DEFB135: variants seen among roughly 807,000 people sequenced by gnomAD.
DEFB135 encodes the protein defensin beta 135, also known as beta-defensin 135.
DEFB135 carries 14 observed loss-of-function variants against 8.9 expected under a neutral mutation model. The observed-to-expected ratio is 1.58, with a 90% confidence interval of 1.04 to 2.47. DEFB135 has a LOEUF of 2.47. Ranked by LOEUF, DEFB135 falls within the 30% of genes most tolerant of loss-of-function variation. The probability of loss-of-function intolerance (pLI) is 0.00; values close to 1 mark genes in which losing one functional copy is unlikely to be tolerated. For synonymous variants in DEFB135, 51 were observed against 34.5 expected, an observed-to-expected ratio of 1.48 and a Z score of -1.67; for missense variants, 135 against 94.2, an observed-to-expected ratio of 1.43 and a Z score of -1.79.
chr8:11,984,580 C>A lies in DEFB135; in HGVS notation c.224C>A (p.Thr75Asn), dbSNP rs1471137374. The A allele has an allele frequency of 6.7e-7, 1 of 1,499,386 alleles. No homozygotes were observed. The highest frequency in any genetic ancestry group is 1.9e-5 in the Admixed American group (1 of 52,652). 92.9% of individuals were successfully genotyped at this position (1,499,386 alleles called of 1,614,324 possible). Residue 75 changes from threonine (T) to asparagine (N), a missense_variant, in exon 2 of 2, where the codon ACT (threonine) becomes AAT (asparagine). Coordinates refer to ENST00000382208, the MANE Select transcript of DEFB135 (RefSeq NM_001033017.3). Reference protein sequence around the residue: ...CVNPKYLPILTGK With the variant: ...CVNPKYLPILNGK ...AACCCAAAATATTTACCTATACTGA[C>A]TGGGAAATAGTTGTGAGTACCTGAA...
In DEFB135 at chr8:11,982,375, G is replaced by A. The variant is rs1250345778; in HGVS notation, c.55G>A (p.Val19Ile). 1.2e-6 allele frequency: 2 copies of A among 1,614,072 alleles called. No individual in the cohort carries two copies. Among genetic ancestry groups the A allele is most frequent in the Non-Finnish European group, 1.7e-6 (2 of 1,180,018 alleles). Reference protein sequence around the residue: ...ALVVLNLLFYVPPGRSGPNVY... With the variant: ...ALVVLNLLFYIPPGRSGPNVY... ...CGTGGTCCTTAACTTACTCTTCTAT[G>A]TTCCACCAGGTAAAATGGAGTCCCC... The change falls in exon 1 of 2, where the codon GTT becomes ATT. Residue 19 changes from valine to isoleucine, a missense_variant. Transcript: ENST00000382208.
intron 1 of DEFB135, among the ~76,000 whole-genome samples, chr8:11,983,421 C>G (rs1045769986): frequency 1.3e-5 from 2 of 151,982 alleles, no homozygotes; most frequent in African/African-American, 4.8e-5. Context: ...ATAAATAAAA[C>G]GAAGACAGAT....
chr8:11,983,074 C>G (rs1046921095), intron 1 of DEFB135, among the ~76,000 whole-genome samples: 1 of 152,160 alleles, frequency 6.6e-6, no homozygotes, highest in Non-Finnish European at 1.5e-5. Context: ...GCGTATCACT[C>G]AAGGACCAAG....
chr8:11,982,860 C>A (rs539011388), intron 1 of DEFB135, among the ~76,000 whole-genome samples: 1 of 152,256 alleles, frequency 6.6e-6, no homozygotes, highest in South Asian at 2.1e-4. Flanking sequence ...ATGTATTACA[C>A]TAACTTATAG....
intron 1 of DEFB135, among the ~76,000 whole-genome samples, chr8:11,983,283 G>A (rs1007755686): frequency 3.3e-4 from 50 of 152,106 alleles, no homozygotes; most frequent in African/African-American, 1.1e-3. Context: ...CCAGCTACTC[G>A]GGAAGCTGAG....
chr8:11,984,427 G>T lies in DEFB135; in HGVS notation c.71G>T (p.Ser24Ile), dbSNP rs898436075. 8 of 1,545,712 alleles carry T rather than the reference G, an allele frequency of 5.2e-6. No homozygotes were observed. The highest frequency in any genetic ancestry group is 1.4e-5 in the African/African-American group (1 of 73,490). Residue 24 changes from serine to isoleucine, a missense_variant, in exon 2 of 2, where the codon AGT becomes ATT. Coordinates refer to ENST00000382208, the MANE Select transcript of DEFB135 (RefSeq NM_001033017.3). ...CCTTTGTTTCTCTTGGCAGGTAGAA[G>T]TGGACCCAATGTCTACATACAAAAA... ...NLLFYVPPGR[S>I]GPNVYIQKIF...
chr8:11,982,802 C>G (rs1181438026), intron 1 of DEFB135, among the ~76,000 whole-genome samples: 1 of 152,110 alleles, frequency 6.6e-6, no homozygotes, highest in African/African-American at 2.4e-5. Flanking sequence ...ATTTAGAAGC[C>G]AAGGTAAATT....
At chr8:11,982,991 A>G (rs28524834) in intron 1 of DEFB135, among the ~76,000 whole-genome samples, 15,362 of 152,184 alleles carry the variant, frequency 0.1, 1,198 homozygotes, top group African/African-American at 0.23. Context: ...GAGGTTCTCA[A>G]AACTGTTTTG....
In DEFB135 at chr8:11,982,354, GT is replaced by G. The variant is rs1799749746; in HGVS notation, c.35del (p.Val12AlafsTer38). 6.2e-7 allele frequency: 1 copy of G among 1,614,032 alleles called. No homozygotes were observed. The highest frequency in any genetic ancestry group is 8.5e-7 in the Non-Finnish European group (1 of 1,180,038). ...AAGGAGCGTCCTCTTGGCCCTCGTG[GT>G]CCTTAACTTACTCTTCTATGTTCCA... ...ATRSVLLALV[V>X]LNLLFYVPPG... On this transcript the variant is annotated frameshift_variant, in exon 1 of 2. Transcript: ENST00000382208. LOFTEE classifies it high-confidence loss of function.
chr8:11,983,652 G>C (rs779239064), intron 1 of DEFB135, among the ~76,000 whole-genome samples: 1 of 152,136 alleles, frequency 6.6e-6, no homozygotes, highest in Non-Finnish European at 1.5e-5. Context: ...GGGCACCTGG[G>C]TGGAGAAACT....
At chr8:11,983,642 G>A (rs1799786551) in intron 1 of DEFB135, among the ~76,000 whole-genome samples, 1 of 152,060 alleles carries the variant, frequency 6.6e-6, no homozygotes, top group Non-Finnish European at 1.5e-5. Context: ...GGACTCATGG[G>A]GGCACCTGGG....
chr8:11,982,879 G>A (rs184694019), intron 1 of DEFB135, among the ~76,000 whole-genome samples: 3 of 152,240 alleles, frequency 2.0e-5, no homozygotes, highest in Admixed American at 6.5e-5. Context: ...AGCATGATGA[G>A]GTCCTATGAA....
intron 1 of DEFB135, 49 bp downstream of exon 1, chr8:11,982,433 A>C: frequency 6.2e-7 from 1 of 1,605,934 alleles, no homozygotes; most frequent in East Asian, 2.2e-5. Context: ...AAAGGGAAAA[A>C]AGGTGTGAGG....
intron 1 of DEFB135, among the ~76,000 whole-genome samples, chr8:11,983,119 C>A (rs950698186): frequency 1.3e-5 from 2 of 152,144 alleles, no homozygotes; most frequent in African/African-American, 4.8e-5. Flanking sequence ...TGAGGCTGGG[C>A]GCGGTGGCTC....
intron 1 of DEFB135, among the ~76,000 whole-genome samples, chr8:11,983,369 A>C (rs1185442230): frequency 1.3e-5 from 2 of 152,170 alleles, no homozygotes; most frequent in Non-Finnish European, 2.9e-5. Flanking sequence ...CAGCCTGGGC[A>C]ACAAGCGTGA....
At chr8:11,982,670 G>A (rs904890068) in intron 1 of DEFB135, among the ~76,000 whole-genome samples, 4 of 152,300 alleles carry the variant, frequency 2.6e-5, no homozygotes, top group Non-Finnish European at 5.9e-5. Flanking sequence ...GCAGAAGTAG[G>A]GCAGAGCAAA....
chr8:11,984,509 C>A lies in DEFB135; in HGVS notation c.153C>A (p.Asn51Lys). ...CTTGCCGGCCAAAATGTCTAAAAAA[C>A]GAACAATATCGTATTTTGTGTGATA... is the stretch of plus-strand genomic sequence containing the variant. ...QGTCRPKCLK[N>K]EQYRILCDTI... The change falls in exon 2 of 2, where the codon AAC (asparagine) becomes AAA (lysine). Residue 51 changes from asparagine to lysine, a missense_variant. Physicochemically the swap from Asn to Lys is moderately conservative, Grantham distance 94 (BLOSUM62 0). Coordinates refer to ENST00000382208, the MANE Select transcript of DEFB135 (RefSeq NM_001033017.3). 1.3e-6 allele frequency: 2 copies of A among 1,588,446 alleles called. No individual in the cohort carries two copies. Among genetic ancestry groups the A allele is most frequent in the African/African-American group, 1.3e-5 (1 of 74,616 alleles).
At chr8:11,983,081 C>G (rs949269352) in intron 1 of DEFB135, among the ~76,000 whole-genome samples, 2 of 152,068 alleles carry the variant, frequency 1.3e-5, no homozygotes, top group Non-Finnish European at 2.9e-5. Flanking sequence ...ACTCAAGGAC[C>G]AAGTGTGAAG....
At chr8:11,984,144 T>C (rs747524491) in intron 1 of DEFB135, among the ~76,000 whole-genome samples, 32 of 152,150 alleles carry the variant, frequency 2.1e-4, no homozygotes, top group Non-Finnish European at 3.8e-4. Flanking sequence ...GCCAATAGTC[T>C]CAAGCTGAAT....
Sources: gnomAD v4.1 joint callset for allele counts (sites outside exome capture counted in the v4.1 genomes callset) on GRCh38, gnomAD v4.1.1 for gene constraint, MANE v1.5 for transcripts, NCBI Gene and HGNC (gene_info 2026-07-23, HGNC 2026-07-21) for gene names.